Variants in NDUFV2 observed in about 807,000 individuals in gnomAD.
NDUFV2 encodes the protein NADH dehydrogenase [ubiquinone] flavoprotein 2, mitochondrial.
In NDUFV2, 18 loss-of-function variants were observed where a neutral mutation model predicts 31.6. The observed-to-expected ratio is 0.57, with a 90% CI of 0.39 to 0.84. The LOEUF is 0.84. Ranked by LOEUF, NDUFV2 falls within the 40% of genes least tolerant of loss-of-function variation. The pLI, the probability that NDUFV2 is intolerant of heterozygous loss-of-function variation, is 0.00. For missense variants in NDUFV2, 314 were observed against 303.6 expected (o/e 1.03, Z -0.26); for synonymous variants, 83 against 99.8 (o/e 0.83, Z 1.01).
In NDUFV2 at chr18:9,117,821, A is replaced by G; in HGVS notation, c.55-17A>G. ...AGGCTATGATTTACTAAACTTTCTT[A>G]AAATTTTAAATTTTAGGGAAGACAT... On this transcript the variant is annotated splice_polypyrimidine_tract_variant and intron_variant, in intron 1 of 7. Coordinates refer to ENST00000318388, the MANE Select transcript of NDUFV2 (RefSeq NM_021074.5). 3.6e-6 allele frequency: 5 copies of G among 1,399,370 alleles called. No homozygotes were observed. The highest frequency in any genetic ancestry group is 5.1e-6 in the Non-Finnish European group (5 of 985,608). 86.7% of individuals were successfully genotyped at this position (1,399,370 alleles called of 1,614,324 possible).
At chr18:9,125,246 G>A (rs2077978948) in intron 6 of NDUFV2, among the ~76,000 whole-genome samples, 1 of 152,054 alleles carries the variant, frequency 6.6e-6, no homozygotes, top group South Asian at 2.1e-4. Context: ...CAACTATCAG[G>A]ACTTAACTGA....
intron 4 of NDUFV2, chr18:9,121,606 GATATATCTA>G (rs1354631210): frequency 6.6e-6 from 1 of 152,100 alleles, no homozygotes. Context: ...TTAGAATATG[GATATATCTA>G]TAATTTTTAA....
At chr18:9,114,964 A>G (rs1296412922) in intron 1 of NDUFV2, among the ~76,000 whole-genome samples, 3 of 152,250 alleles carry the variant, frequency 2.0e-5, no homozygotes, top group Non-Finnish European at 4.4e-5. Context: ...ATCCTGGATT[A>G]ATGAGAAAGG....
Position 9,117,848 on chromosome 18 carries a change from T to C in NDUFV2, c.65T>C (p.Val22Ala). Residue 22 changes from valine (V) to alanine (A), a missense_variant, in exon 2 of 8, where the codon GTA becomes GCA. Val to Ala is a moderately conservative substitution (Grantham distance 64). Transcript: ENST00000318388. ...AGLTAHWGRH[V>A]RNLHKTVMQN... ...AATTTTAAATTTTAGGGAAGACATG[T>C]AAGGAATTTGCATAAGACAGTTATG... is the stretch of plus-strand genomic sequence containing the variant. The C allele has an allele frequency of 6.3e-7, 1 of 1,595,086 alleles. No individual in the cohort carries two copies. Among genetic ancestry groups the C allele is most frequent in the Non-Finnish European group, 8.6e-7 (1 of 1,163,326 alleles).
chr18:9,116,471 T>C (rs774728757), intron 1 of NDUFV2, among the ~76,000 whole-genome samples: 1 of 152,254 alleles, frequency 6.6e-6, no homozygotes, highest in Non-Finnish European at 1.5e-5. Flanking sequence ...TGACAGTGAC[T>C]GTCTTCTAAA....
At chr18:9,109,594 G>A (rs1453023890) in intron 1 of NDUFV2, among the ~76,000 whole-genome samples, 1 of 152,216 alleles carries the variant, frequency 6.6e-6, no homozygotes, top group African/African-American at 2.4e-5. Context: ...TGAGCTATTG[G>A]TATTGCCAGT....
chr18:9,105,723 A>G (rs1466877160), intron 1 of NDUFV2, among the ~76,000 whole-genome samples: 1 of 152,236 alleles, frequency 6.6e-6, no homozygotes, highest in Non-Finnish European at 1.5e-5. Flanking sequence ...ATCGAGGAGC[A>G]TGCTGAATAC....
chr18:9,124,548 A>C (rs953267712), intron 5 of NDUFV2, among the ~76,000 whole-genome samples: 7 of 147,536 alleles, frequency 4.7e-5, no homozygotes, highest in South Asian at 2.1e-4. Context: ...TCCTGGGTTC[A>C]CGCCACTCTC....
At chr18:9,124,698 C>T (rs796682072) in intron 5 of NDUFV2, among the ~76,000 whole-genome samples, 176 bp from the exon 6 acceptor site, 51 of 151,566 alleles carry the variant, frequency 3.4e-4, no homozygotes, top group African/African-American at 1.2e-3. Flanking sequence ...TCTGCCCACC[C>T]CAGCCTCCCA....
intron 1 of NDUFV2, among the ~76,000 whole-genome samples, chr18:9,117,038 C>CT (rs11348180): frequency 0.019 from 2,799 of 143,656 alleles, 49 homozygotes; most frequent in Middle Eastern, 0.053. Context: ...TCTGAAACTA[C>CT]TTTTTTTTTT....
intron 7 of NDUFV2, among the ~76,000 whole-genome samples, chr18:9,127,160 AG>A (rs1232400494): frequency 6.6e-6 from 1 of 152,216 alleles, no homozygotes; most frequent in Non-Finnish European, 1.5e-5. Context: ...ATTATTTAAA[AG>A]TTCATACTGA....
rs748188888 is a variant in NDUFV2, at chr18:9,102,705, G to A, written c.-39G>A. The A allele has an allele frequency of 1.5e-5, 24 of 1,566,180 alleles. No individual in the cohort carries two copies. The highest frequency in any genetic ancestry group is 2.3e-5 in the South Asian group (2 of 85,108). On this transcript the variant is annotated 5_prime_UTR_variant, in exon 1 of 8. Coordinates refer to ENST00000318388, the MANE Select transcript of NDUFV2 (RefSeq NM_021074.5). ...CGCCCTGGGCGCGCTCGGGATTCTC[G>A]CCTGGCGCGGCTGGGGAAGGTGAAC... is the stretch of plus-strand genomic sequence containing the variant.
intron 7 of NDUFV2, among the ~76,000 whole-genome samples, chr18:9,129,391 T>C (rs1243011590): frequency 2.0e-5 from 3 of 152,226 alleles, no homozygotes; most frequent in African/African-American, 7.2e-5. Flanking sequence ...AACAGTAATT[T>C]TTTTCACAAA....
rs541047992 is a variant in NDUFV2, at chr18:9,125,023, T to C, written c.579+40T>C. 3.2e-4 allele frequency: 513 copies of C among 1,586,486 alleles called. 8 individuals carry two copies. The South Asian group carries it at 5.4e-3, about 17-fold the overall frequency. On this transcript the variant is annotated intron_variant, in intron 6 of 7. Transcript: ENST00000318388. ...TAATACAAGTTAAAGTTGTATGATG[T>C]CATATTTAAAACATTTTAAATATTT...
At chr18:9,125,672 T>C (rs2077983764) in intron 6 of NDUFV2, among the ~76,000 whole-genome samples, 1 of 152,204 alleles carries the variant, frequency 6.6e-6, no homozygotes, top group Non-Finnish European at 1.5e-5. Flanking sequence ...ATCACCGTTT[T>C]CATTCAAGAT....
In NDUFV2 at chr18:9,102,764, C is replaced by T; in HGVS notation, c.21C>T (p.Leu7=). 2 of 1,585,484 alleles carry T rather than the reference C, an allele frequency of 1.3e-6. No homozygotes were observed. Among genetic ancestry groups the T allele is most frequent in the Non-Finnish European group, 1.7e-6 (2 of 1,168,112 alleles). The change falls in exon 1 of 8, where the codon CTC becomes CTT. Residue 7 remains leucine (L), a synonymous_variant. Coordinates refer to ENST00000318388, the MANE Select transcript of NDUFV2 (RefSeq NM_021074.5). ...CCGCCATGTTCTTCTCCGCGGCGCT[C>T]CGGGCCCGGGCGGCTGGCCTCACCG... MFFSAA[L]RARAAGLTAH...
rs1310602310 is a variant in NDUFV2, at chr18:9,113,704, G to A, written c.55-4134G>A. 2.0e-5 allele frequency among the ~76,000 whole-genome samples: 3 copies of A among 152,346 alleles called. No homozygotes were observed. The East Asian group carries it at 5.8e-4, about 29-fold the overall frequency. On this transcript the variant is annotated intron_variant, in intron 1 of 7. Coordinates refer to ENST00000318388, the MANE Select transcript of NDUFV2 (RefSeq NM_021074.5). ...CCTAATTGGTTATTTATAGATTACA[G>A]ACATTGTATAGAAAAGCACTGTGAA...
chr18:9,118,226 G>A (rs923073870), intron 2 of NDUFV2, among the ~76,000 whole-genome samples: 2 of 152,068 alleles, frequency 1.3e-5, no homozygotes, highest in African/African-American at 4.8e-5. Flanking sequence ...ATTGTAACTT[G>A]TTGAATCCCA....
At chr18:9,122,299 G>A (rs550082380) in intron 4 of NDUFV2, among the ~76,000 whole-genome samples, 28 of 152,070 alleles carry the variant, frequency 1.8e-4, no homozygotes, top group Admixed American at 5.9e-4. Context: ...ATTAACTTTC[G>A]GGCTCTGTAT....
Sources: gnomAD v4.1 joint callset for allele counts (sites outside exome capture counted in the v4.1 genomes callset) on GRCh38, gnomAD v4.1.1 for gene constraint, MANE v1.5 for transcripts, NCBI Gene and HGNC (gene_info 2026-07-23, HGNC 2026-07-21) for gene names.